UBE4B: variants seen among roughly 807,000 people sequenced by gnomAD.
UBE4B encodes the protein ubiquitination factor E4B.
In UBE4B, 27 loss-of-function variants were observed where a neutral mutation model predicts 148.1. The observed-to-expected ratio is 0.18, with a 90% CI of 0.13 to 0.25. The LOEUF (loss-of-function observed/expected upper bound fraction) is 0.25, where lower values mean the gene tolerates loss of function less well. UBE4B is among the 10% of genes least tolerant of loss of function. The pLI is 1.00. For missense variants in UBE4B, 1,170 were observed against 1,662.4 expected, an observed-to-expected ratio of 0.70 and a Z score of 5.15; for synonymous variants, 596 against 619.3, an observed-to-expected ratio of 0.96 and a Z score of 0.56.
intron 1 of UBE4B, chr1:10,058,711 C>G (rs747617969): frequency 4.8e-4 from 73 of 152,462 alleles, no homozygotes; most frequent in Non-Finnish European, 7.5e-4. Context: ...ACTTCAGCGG[C>G]TGGTGTGACA....
intron 23 of UBE4B, among the ~76,000 whole-genome samples, chr1:10,167,131 CA>C (rs920967992): frequency 4.1e-5 from 6 of 145,630 alleles, no homozygotes; most frequent in African/African-American, 7.6e-5. Context: ...GACTCCATCT[CA>C]AAAAAAAATA....
intron 1 of UBE4B, among the ~76,000 whole-genome samples, chr1:10,056,586 T>C (rs981974457): frequency 1.3e-5 from 2 of 152,240 alleles, no homozygotes; most frequent in Admixed American, 6.5e-5. Context: ...TTGTTTGTTA[T>C]ATTACCTTTA....
rs1054136249 is a variant in UBE4B at position 10,161,967 on chromosome 1, T to A, written c.3198+681T>A. 6.6e-6 allele frequency among the ~76,000 whole-genome samples: 1 copy of A among 152,098 alleles called. No individual in the cohort carries two copies. Among genetic ancestry groups the A allele is most frequent in the African/African-American group, 2.4e-5 (1 of 41,426 alleles). The stretch of plus-strand genomic sequence containing the variant: ...CTGATTTCCATAAGGGGTTCTCATG[T>A]CAAAGTGGGGACTGCTTTTTCTTCA... On this transcript the variant is annotated intron_variant, in intron 23 of 27. Coordinates refer to ENST00000343090, the MANE Select transcript of UBE4B (RefSeq NM_001105562.3). The surrounding 1 kb of genome is among the most constrained non-coding windows in gnomAD (Gnocchi z 4.1).
chr1:10,060,185 C>T (rs1226028357), intron 1 of UBE4B, among the ~76,000 whole-genome samples: 5 of 152,074 alleles, frequency 3.3e-5, no homozygotes, highest in African/African-American at 7.2e-5. Flanking sequence ...GACAGGGATA[C>T]GTTCTGAGAA....
intron 22 of UBE4B, among the ~76,000 whole-genome samples, chr1:10,160,247 T>C (rs1646139874): frequency 6.6e-6 from 1 of 152,228 alleles, no homozygotes; most frequent in Admixed American, 6.5e-5. Context: ...ACTTTATCAA[T>C]ATTACAGGTT....
chr1:10,122,194 A>G, intron 10 of UBE4B, 118 bp downstream of exon 10: 1 of 600,700 alleles, frequency 1.7e-6, no homozygotes, highest in Non-Finnish European at 2.9e-6. Context: ...TATTAGAGAG[A>G]AGGCCTACCC....
chr1:10,134,049 C>CAAAAAA (rs367557718), intron 15 of UBE4B, among the ~76,000 whole-genome samples: 3 of 135,948 alleles, frequency 2.2e-5, no homozygotes, highest in Admixed American at 1.5e-4. Flanking sequence ...AACCCTGTCT[C>CAAAAAA]AAAAAAAAAA....
chr1:10,179,109 T>C (rs934963257), intron 26 of UBE4B: 6 of 483,006 alleles, frequency 1.2e-5, no homozygotes, highest in African/African-American at 1.2e-4. Flanking sequence ...CCAGAAGTCC[T>C]AAGACAAAGA....
intron 1 of UBE4B, among the ~76,000 whole-genome samples, chr1:10,041,336 T>C (rs1314887159): frequency 8.3e-6 from 1 of 120,844 alleles, no homozygotes; most frequent in Admixed American, 7.9e-5. Context: ...TTTGGCATTC[T>C]TTTTTTTTTT....
At chr1:10,109,142 C>CT (rs1645172042) in intron 7 of UBE4B, among the ~76,000 whole-genome samples, 1 of 152,046 alleles carries the variant, frequency 6.6e-6, no homozygotes, top group Admixed American at 6.6e-5. Flanking sequence ...GGTGTCAGCT[C>CT]TGTCCATGTA....
chr1:10,068,530 T>C (rs1451767505), intron 1 of UBE4B, among the ~76,000 whole-genome samples: 2 of 151,920 alleles, frequency 1.3e-5, no homozygotes, highest in African/African-American at 2.4e-5. Flanking sequence ...TTGGTATTTT[T>C]AGTAGAGATG....
In UBE4B at chr1:10,168,358, G is replaced by A; in HGVS notation, c.3333+88G>A. On this transcript the variant is annotated intron_variant, in intron 24 of 27. Coordinates refer to ENST00000343090, the MANE Select transcript of UBE4B (RefSeq NM_001105562.3). This position sits in a 1 kb window ranked among gnomAD's most constrained non-coding sequence, Gnocchi z 4.9. ...TAACTTTAGCAGTTGTTGAAGTTCT[G>A]GAAATTTTAGGATCACAGTCATCAA... 1.3e-6 allele frequency: 2 copies of A among 1,498,818 alleles called. No homozygotes were observed. 92.8% of individuals were successfully genotyped at this position (1,498,818 alleles called of 1,614,324 possible).
At chr1:10,088,536 C>T (rs1219491086) in intron 2 of UBE4B, among the ~76,000 whole-genome samples, 2 of 151,844 alleles carry the variant, frequency 1.3e-5, no homozygotes, top group African/African-American at 4.8e-5. Context: ...CCACCATGCC[C>T]AGCTAATTTT....
intron 3 of UBE4B, among the ~76,000 whole-genome samples, chr1:10,100,211 G>A (rs777398196): frequency 5.3e-5 from 8 of 152,210 alleles, no homozygotes; most frequent in East Asian, 1.9e-4. Flanking sequence ...GGATGGTCTC[G>A]ATTTCCTGAC....
chr1:10,078,837 T>G (rs1171921920), intron 2 of UBE4B, among the ~76,000 whole-genome samples: 1 of 152,100 alleles, frequency 6.6e-6, no homozygotes, highest in Non-Finnish European at 1.5e-5. Flanking sequence ...CAGGTTTCAT[T>G]TTTGTTTTTC....
chr1:10,094,697 A>G (rs1398968878), intron 2 of UBE4B, among the ~76,000 whole-genome samples: 2 of 152,070 alleles, frequency 1.3e-5, no homozygotes, highest in South Asian at 2.1e-4. Flanking sequence ...ACCTCCCAAA[A>G]TGGTGGGATT....
At chr1:10,134,199 G>A (rs1466529821) in intron 15 of UBE4B, among the ~76,000 whole-genome samples, 12 of 150,692 alleles carry the variant, frequency 8.0e-5, no homozygotes, top group Admixed American at 7.2e-4. Context: ...AAGAATTATC[G>A]TGATGGTTCA....
intron 1 of UBE4B, among the ~76,000 whole-genome samples, chr1:10,043,208 C>T (rs1024739155): frequency 2.0e-5 from 3 of 151,378 alleles, no homozygotes; most frequent in African/African-American, 7.3e-5. Flanking sequence ...GGAGTTTTAC[C>T]ATGTTGACCA....
chr1:10,044,874 C>T (rs916591880), intron 1 of UBE4B, among the ~76,000 whole-genome samples: 57 of 152,268 alleles, frequency 3.7e-4, no homozygotes, highest in African/African-American at 1.2e-3. Flanking sequence ...TGAGCCACCG[C>T]GCCTGGCCTG....
Sources: gnomAD v4.1 joint callset for allele counts (sites outside exome capture counted in the v4.1 genomes callset) on GRCh38, gnomAD v4.1.1 for gene constraint, Gnocchi (gnomAD v3.1) non-coding constraint, MANE v1.5 for transcripts, NCBI Gene and HGNC (gene_info 2026-07-23, HGNC 2026-07-21) for gene names.